Variants in NHS observed in about 807,000 individuals in gnomAD.
NHS encodes the protein actin remodeling regulator NHS.
In NHS, 5 loss-of-function variants were observed where a neutral mutation model predicts 72.5. The observed-to-expected ratio is 0.07, with a 90% CI of 0.04 to 0.14. The LOEUF is 0.14. Ranked by LOEUF, NHS falls within the 10% of genes least tolerant of loss-of-function variation. NHS has a pLI of 1.00. For missense variants in NHS, 1,072 were observed against 1,355.7 expected, an observed-to-expected ratio of 0.79 and a Z score of 3.29; for synonymous variants, 464 against 547.7, an observed-to-expected ratio of 0.85 and a Z score of 2.13.
intron 1 of NHS, among the ~76,000 whole-genome samples, chrX:17,591,363 A>G (rs186591751): frequency 3.8e-4 from 43 of 111,708 alleles, no homozygotes; most frequent in African/African-American, 1.3e-3. Context: ...AAGGGTGTCA[A>G]CGCAGCAATT....
chrX:17,401,803 C>T (rs1222756254), intron 1 of NHS, among the ~76,000 whole-genome samples: 2 of 111,594 alleles, frequency 1.8e-5, no homozygotes, highest in Non-Finnish European at 3.8e-5. Flanking sequence ...GTCATTGGAG[C>T]TAGGGCTCAC....
chrX:17,647,284 T>C (rs997954590), intron 1 of NHS, among the ~76,000 whole-genome samples: 6 of 112,547 alleles, frequency 5.3e-5, no homozygotes, highest in African/African-American at 1.9e-4. Flanking sequence ...TTTTTCTGAT[T>C]ATAATAAATA....
chrX:17,486,091 A>G (rs1392829161), intron 1 of NHS, among the ~76,000 whole-genome samples: 1 of 112,208 alleles, frequency 8.9e-6, no homozygotes, highest in Non-Finnish European at 1.9e-5. Context: ...GTGTTTCCCC[A>G]GCACCTAGTG....
intron 1 of NHS, among the ~76,000 whole-genome samples, chrX:17,430,459 A>T (rs111511078): frequency 1.5e-3 from 91 of 59,429 alleles, no homozygotes; most frequent in Non-Finnish European, 2.4e-3. Context: ...TTCTTTCCTT[A>T]TTTATTGGGT....
intron 1 of NHS, among the ~76,000 whole-genome samples, chrX:17,548,634 A>G (rs921866064): frequency 1.8e-5 from 2 of 111,950 alleles, no homozygotes; most frequent in Non-Finnish European, 3.8e-5. Flanking sequence ...ATGTGCCCAT[A>G]CACATGTATG....
intron 1 of NHS, among the ~76,000 whole-genome samples, chrX:17,631,913 C>G (rs2065823411): frequency 1.8e-5 from 2 of 112,026 alleles, no homozygotes; most frequent in African/African-American, 6.5e-5. Flanking sequence ...CTCATCTTCA[C>G]AGTCTAAGAT....
intron 1 of NHS, among the ~76,000 whole-genome samples, chrX:17,645,723 C>T (rs1225908482): frequency 8.9e-6 from 1 of 111,835 alleles, no homozygotes; most frequent in East Asian, 2.8e-4. Flanking sequence ...CTCTGTGATC[C>T]CAAAACTGTT....
intron 3 of NHS, among the ~76,000 whole-genome samples, chrX:17,694,103 T>A (rs1009787678): frequency 2.7e-5 from 3 of 112,005 alleles, no homozygotes; most frequent in Admixed American, 9.5e-5. Flanking sequence ...AAAGTAAGAC[T>A]ATAGGAAAAG....
chrX:17,431,983 C>CA (rs2064696545), intron 1 of NHS, among the ~76,000 whole-genome samples: 1 of 111,953 alleles, frequency 8.9e-6, no homozygotes, highest in African/African-American at 3.2e-5. Flanking sequence ...GTCTTCATCC[C>CA]ATGTATAGCA....
intron 1 of NHS, among the ~76,000 whole-genome samples, chrX:17,595,340 C>T (rs7892218): frequency 0.51 from 56,105 of 110,595 alleles, 11,693 homozygotes; most frequent in African/African-American, 0.8. Context: ...TCTGTCTCAG[C>T]TGAGATTTAA....
chrX:17,728,426 T>C, intron 7 of NHS, 98 bp downstream of exon 7: 1 of 904,685 alleles, frequency 1.1e-6, no homozygotes, highest in Non-Finnish European at 1.6e-6. Context: ...GCCCTGGGTG[T>C]TGGTTTCCCT....
chrX:17,462,330 T>C (rs1315730897), intron 1 of NHS, among the ~76,000 whole-genome samples: 1 of 111,302 alleles, frequency 9.0e-6, no homozygotes, highest in African/African-American at 3.3e-5. Context: ...TGAAGTAAAG[T>C]GAGAAGTTGG....
At chrX:17,626,748 G>A (rs1465213876) in intron 1 of NHS, among the ~76,000 whole-genome samples, 1 of 112,204 alleles carries the variant, frequency 8.9e-6, no homozygotes, top group Non-Finnish European at 1.9e-5. Context: ...CAGCTCTGAG[G>A]TTAGCATCTT....
intron 1 of NHS, among the ~76,000 whole-genome samples, chrX:17,413,781 A>C (rs779223366): frequency 2.5e-3 from 282 of 111,725 alleles, no homozygotes; most frequent in Non-Finnish European, 4.6e-3. Flanking sequence ...TTGCACCCCC[A>C]AAAAAAGCAG....
chrX:17,532,673 G>C (rs979563712), intron 1 of NHS, among the ~76,000 whole-genome samples: 1 of 111,746 alleles, frequency 8.9e-6, no homozygotes, highest in African/African-American at 3.3e-5. Flanking sequence ...TTGGAAGAAA[G>C]CCCAGACCAA....
At chrX:17,492,053 A>G (rs1333207986) in intron 1 of NHS, among the ~76,000 whole-genome samples, 2 of 109,752 alleles carry the variant, frequency 1.8e-5, no homozygotes, top group Non-Finnish European at 3.8e-5. Context: ...CTTACAGTCT[A>G]TCTATTTTGT....
rs767679541 is a variant in NHS, at chrX:17,516,791, A to G, written c.565+140469A>G. On this transcript the variant is annotated intron_variant, in intron 1 of 8. Transcript: ENST00000676302. ...TCAAATGGCACACACACACACACAC[A>G]CGTGCACATACACATTTTAACCCAG... 3.6e-5 allele frequency among the ~76,000 whole-genome samples: 4 copies of G among 111,717 alleles called. No individual in the cohort carries two copies. In the East Asian group the frequency reaches 1.1e-3, roughly 31 times the overall value.
At chrX:17,554,312 A>AGCTTCT (rs1182279427) in intron 1 of NHS, among the ~76,000 whole-genome samples, 1 of 112,069 alleles carries the variant, frequency 8.9e-6, no homozygotes, top group African/African-American at 3.3e-5. Flanking sequence ...CCTCATTGCA[A>AGCTTCT]GCTTCTGTGA....
At chrX:17,658,792 C>T (rs920152317) in intron 1 of NHS, among the ~76,000 whole-genome samples, 1 of 111,566 alleles carries the variant, frequency 9.0e-6, no homozygotes, top group African/African-American at 3.3e-5. Flanking sequence ...TGGCTTGGCT[C>T]GACCTGTACC....
Sources: gnomAD v4.1 joint callset for allele counts (sites outside exome capture counted in the v4.1 genomes callset) on GRCh38, gnomAD v4.1.1 for gene constraint, MANE v1.5 for transcripts, NCBI Gene and HGNC (gene_info 2026-07-23, HGNC 2026-07-21) for gene names.